Variants in CARMIL1 observed in about 807,000 individuals in gnomAD.
CARMIL1 encodes the protein capping protein regulator and myosin 1 linker 1, also known as F-actin-uncapping protein LRRC16A.
CARMIL1 carries 90 observed loss-of-function variants against 177.1 expected under a neutral mutation model. The observed-to-expected ratio is 0.51, with a 90% CI of 0.43 to 0.61. The LOEUF is 0.61. Ranked by LOEUF, CARMIL1 falls within the 20% of genes least tolerant of loss-of-function variation. The pLI is 0.00. For synonymous variants in CARMIL1, 577 were observed against 606.2 expected (o/e 0.95, Z 0.71); for missense variants, 1,380 against 1,667.0 (o/e 0.83, Z 3.00).
chr6:25,301,373 A>G (rs1278908420), intron 2 of CARMIL1, among the ~76,000 whole-genome samples: 1 of 152,216 alleles, frequency 6.6e-6, no homozygotes, highest in Non-Finnish European at 1.5e-5. Flanking sequence ...GGTGACTTTT[A>G]GAATCGAAGT....
At chr6:25,477,852 C>CTTTT (rs56068417) in intron 11 of CARMIL1, among the ~76,000 whole-genome samples, 17 of 98,018 alleles carry the variant, frequency 1.7e-4, no homozygotes, top group Non-Finnish European at 2.3e-4. Context: ...CTTCTCATCA[C>CTTTT]TTTTTTTTTT....
intron 2 of CARMIL1, among the ~76,000 whole-genome samples, chr6:25,316,704 C>T (rs1430124833): frequency 2.6e-5 from 4 of 151,948 alleles, no homozygotes; most frequent in African/African-American, 7.3e-5. Context: ...GCCACCACGC[C>T]GGGCCATTAT....
intron 24 of CARMIL1, among the ~76,000 whole-genome samples, chr6:25,536,799 T>C (rs1184625480): frequency 4.6e-5 from 7 of 152,180 alleles, no homozygotes; most frequent in Non-Finnish European, 8.8e-5. Flanking sequence ...CGTTATGATA[T>C]CAAATAATTC....
In CARMIL1 at chr6:25,606,245, G is replaced by A. The variant is rs779116619; in HGVS notation, c.3819G>A (p.Pro1273=). 6.2e-6 allele frequency: 10 copies of A among 1,613,488 alleles called. No individual in the cohort carries two copies. The highest frequency in any genetic ancestry group is 1.7e-4 in the Middle Eastern group (1 of 6,022). Residue 1273 remains proline (P), a synonymous_variant, in exon 35 of 37, where the codon CCG becomes CCA. Transcript: ENST00000329474. ...GTCTGGCAGCACGGCCCGTCATCCC[G>A]CAGAAACCAAGAACCGCCTCACGGC... is the stretch of plus-strand genomic sequence containing the variant. ...KPSLAARPVI[P]QKPRTASRPD...
At chr6:25,472,547 G>A (rs1465744083) in intron 11 of CARMIL1, 26 bp downstream of exon 11, 2 of 1,506,106 alleles carry the variant, frequency 1.3e-6, no homozygotes, top group Admixed American at 3.9e-5. Flanking sequence ...CATTATCATT[G>A]ATGCCAGAAT....
At chr6:25,490,881 T>A (rs2150995792) in intron 13 of CARMIL1, among the ~76,000 whole-genome samples, 1 of 152,336 alleles carries the variant, frequency 6.6e-6, no homozygotes, top group African/African-American at 2.4e-5. Context: ...CTGCTACACA[T>A]AGTAAATGTT....
At chr6:25,571,708 T>C (rs2151220248) in intron 29 of CARMIL1, among the ~76,000 whole-genome samples, 1 of 152,344 alleles carries the variant, frequency 6.6e-6, no homozygotes, top group African/African-American at 2.4e-5. Context: ...CCAATCACTG[T>C]GATTCAGTCA....
At position 25,279,716 on chromosome 6, in the gene CARMIL1, A is replaced by T; in HGVS notation, c.-80A>T. The T allele has an allele frequency of 1.4e-6, 2 of 1,400,324 alleles. No individual in the cohort carries two copies. Among genetic ancestry groups the T allele is most frequent in the Non-Finnish European group, 2.0e-6 (2 of 985,234 alleles). The allele number at this position is 1,400,324 out of a possible 1,614,324, so 86.7% of individuals were successfully genotyped here. A position where few individuals can be genotyped will look rare whatever the true frequency, so the allele number is the denominator to read the frequency against. The stretch of plus-strand genomic sequence containing the variant: ...GCAAGCTGCATCTGCCTCTCTAAAA[A>T]AATTGAGGAGTTCGGGGAAGGGCAG... On this transcript the variant is annotated 5_prime_UTR_variant, in exon 1 of 37. Coordinates refer to ENST00000329474, the MANE Select transcript of CARMIL1 (RefSeq NM_017640.6).
Position 25,299,264 on chromosome 6 carries a change from G to A in CARMIL1, c.138+14355G>A, listed in dbSNP as rs373897159. Among the ~76,000 whole-genome samples, 11 of 150,414 alleles carry A rather than the reference G, an allele frequency of 7.3e-5. 1 individual carries two copies. The South Asian group carries it at 1.3e-3, about 17-fold the overall frequency. On this transcript the variant is annotated intron_variant, in intron 2 of 36. Coordinates refer to ENST00000329474, the MANE Select transcript of CARMIL1 (RefSeq NM_017640.6). ...TAGCTCACTGCAACTTCTGCCTCCC[G>A]GGCTCAAGGGATTCTCCTGCCTCAG...
chr6:25,589,139 A>G (rs1333978346), intron 31 of CARMIL1, among the ~76,000 whole-genome samples: 1 of 152,198 alleles, frequency 6.6e-6, no homozygotes, highest in Non-Finnish European at 1.5e-5. Context: ...ACAGCCATTG[A>G]TTGGCCATTC....
chr6:25,310,135 T>A (rs900547357), intron 2 of CARMIL1, among the ~76,000 whole-genome samples: 1 of 152,148 alleles, frequency 6.6e-6, no homozygotes, highest in African/African-American at 2.4e-5. Flanking sequence ...ACTATGTGAG[T>A]AATGCTCTTA....
intron 32 of CARMIL1, among the ~76,000 whole-genome samples, chr6:25,596,672 G>A (rs1055812819): frequency 3.3e-5 from 5 of 152,036 alleles, no homozygotes; most frequent in African/African-American, 1.2e-4. Context: ...CAATATTTGG[G>A]ATTCTTTTTT....
At chr6:25,281,136 G>GCGCGCGCACACACACACACA (rs10642536) in intron 1 of CARMIL1, among the ~76,000 whole-genome samples, 9 of 132,194 alleles carry the variant, frequency 6.8e-5, no homozygotes, top group South Asian at 5.5e-4. Context: ...GTGCGCGCGC[G>GCGCGCGCACACACACACACA]CACACACACA....
intron 2 of CARMIL1, among the ~76,000 whole-genome samples, chr6:25,336,393 T>G (rs1786235118): frequency 6.6e-6 from 1 of 152,174 alleles, no homozygotes; most frequent in Non-Finnish European, 1.5e-5. Flanking sequence ...CAGACTGTAC[T>G]CTACTCACCT....
intron 8 of CARMIL1, chr6:25,452,002 C>A (rs758138411): frequency 7.7e-6 from 2 of 258,928 alleles, no homozygotes; most frequent in East Asian, 1.0e-4. Context: ...CCCTCCCCCC[C>A]CCAGAATACT....
chr6:25,491,332 G>A (rs994033411), intron 13 of CARMIL1, among the ~76,000 whole-genome samples: 1 of 152,194 alleles, frequency 6.6e-6, no homozygotes, highest in African/African-American at 2.4e-5. Flanking sequence ...ATTCAGATTC[G>A]TAGTTCTGCA....
chr6:25,517,790 T>C (rs1692233185), intron 22 of CARMIL1, among the ~76,000 whole-genome samples: 1 of 152,206 alleles, frequency 6.6e-6, no homozygotes, highest in South Asian at 2.1e-4. Context: ...ACCTTTGAAT[T>C]CACTGGTGAG....
At chr6:25,407,640 G>A (rs990582718) in intron 2 of CARMIL1, among the ~76,000 whole-genome samples, 5 of 152,198 alleles carry the variant, frequency 3.3e-5, no homozygotes, top group Non-Finnish European at 7.3e-5. Context: ...GCATGGAATA[G>A]GCGGCTAGGT....
At position 25,606,054 on chromosome 6, in the gene CARMIL1, A is replaced by T. The variant is rs1397675562; in HGVS notation, c.3635-7A>T. 1 of 1,597,050 alleles carries T rather than the reference A, an allele frequency of 6.3e-7. No homozygotes were observed. Among genetic ancestry groups the T allele is most frequent in the Non-Finnish European group, 8.5e-7 (1 of 1,172,230 alleles). On this transcript the variant is annotated splice_polypyrimidine_tract_variant and splice_region_variant and intron_variant, in intron 34 of 36. Coordinates refer to ENST00000329474, the MANE Select transcript of CARMIL1 (RefSeq NM_017640.6). ...TTTGATTTTTAAAGTGGCCTTTTTC[A>T]TCTTAGTGCCTAAACTGCACCCAGG... is the stretch of plus-strand genomic sequence containing the variant.
Sources: gnomAD v4.1 joint callset for allele counts (sites outside exome capture counted in the v4.1 genomes callset) on GRCh38, gnomAD v4.1.1 for gene constraint, MANE v1.5 for transcripts, NCBI Gene and HGNC (gene_info 2026-07-23, HGNC 2026-07-21) for gene names.